KIAA0319: variants seen among roughly 807,000 people sequenced by gnomAD.
KIAA0319 encodes KIAA0319.
KIAA0319 carries 83 observed loss-of-function variants against 108.4 expected under a neutral mutation model. That is an observed-to-expected ratio of 0.77 (90% CI 0.64 to 0.92). The LOEUF is 0.92. Ranked by LOEUF, KIAA0319 falls within the 40% of genes least tolerant of loss-of-function variation. The pLI is 0.00. For synonymous variants in KIAA0319, 484 were observed against 510.4 expected, an observed-to-expected ratio of 0.95 and a Z score of 0.70; for missense variants, 1,195 against 1,322.4, an observed-to-expected ratio of 0.90 and a Z score of 1.49.
chr6:24,604,298 C>G (rs748179312), intron 1 of KIAA0319, among the ~76,000 whole-genome samples: 2 of 152,110 alleles, frequency 1.3e-5, no homozygotes, highest in Non-Finnish European at 2.9e-5. Flanking sequence ...TTGACTACCC[C>G]CTAACCAAAG....
Position 24,580,944 on chromosome 6 carries a change from T to G in KIAA0319, c.1261A>C (p.Asn421His). Residue 421 changes from asparagine to histidine, a missense_variant, in exon 7 of 21, where the codon AAT becomes CAT. Transcript: ENST00000378214. ...GGCTTACCAGGCTTAACAGTGACAT[T>G]GACAAATCCTTCTCCAAAGGCGTTT... Reference protein sequence around the residue: ...SENAFGEGFVNVTVKPARRVN... With the variant: ...SENAFGEGFVHVTVKPARRVN... The G allele has an allele frequency of 1.2e-6, 2 of 1,611,412 alleles. No homozygotes were observed. Among genetic ancestry groups the G allele is most frequent in the East Asian group, 4.5e-5 (2 of 44,858 alleles).
At chr6:24,550,503 C>T (rs570153634) in intron 20 of KIAA0319, among the ~76,000 whole-genome samples, 3 of 152,150 alleles carry the variant, frequency 2.0e-5, no homozygotes, top group Non-Finnish European at 4.4e-5. Context: ...AGTTAATAAA[C>T]GAGAATGAAA....
intron 1 of KIAA0319, among the ~76,000 whole-genome samples, chr6:24,631,861 C>T (rs542373718): frequency 5.9e-5 from 9 of 152,342 alleles, no homozygotes; most frequent in African/African-American, 1.7e-4. Context: ...CTATGCAGCC[C>T]GCCCAGCCAG....
intron 1 of KIAA0319, among the ~76,000 whole-genome samples, chr6:24,621,940 C>T (rs929199918): frequency 9.2e-5 from 14 of 152,180 alleles, no homozygotes; most frequent in Non-Finnish European, 8.8e-5. Context: ...CAAGCTAAAG[C>T]CAGAGAACTG....
At chr6:24,565,684 C>T (rs1439588136) in intron 14 of KIAA0319, among the ~76,000 whole-genome samples, 1 of 130,558 alleles carries the variant, frequency 7.7e-6, no homozygotes, top group Non-Finnish European at 1.5e-5. Context: ...ACTCGGGCAG[C>T]GGAGGTTGCA....
Position 24,556,740 on chromosome 6 carries a change from G to A in KIAA0319, c.2735-11C>T. 1 of 1,612,556 alleles carries A rather than the reference G, an allele frequency of 6.2e-7. No individual in the cohort carries two copies. ...ACTTCAGAAGGCAACCTGCAAAGAG[G>A]TGTGTAGGGCTGAGGGCAGCATGCA... On this transcript the variant is annotated splice_polypyrimidine_tract_variant and intron_variant, in intron 17 of 20. Coordinates refer to ENST00000378214, the MANE Select transcript of KIAA0319 (RefSeq NM_014809.4).
chr6:24,618,945 A>C (rs533416136), intron 1 of KIAA0319, among the ~76,000 whole-genome samples: 1 of 152,342 alleles, frequency 6.6e-6, no homozygotes, highest in African/African-American at 2.4e-5. Flanking sequence ...TGAACTTAGA[A>C]GGTCACATTT....
At position 24,551,414 on chromosome 6, in the gene KIAA0319, C is replaced by T. The variant is rs779526013; in HGVS notation, c.3040+20G>A. ...AAATCATATAAAGGTGCCAGGCAGTCATTCTGCAGACTGTCTTACCATATT... is the reference window on the plus strand; with the variant it reads ...AAATCATATAAAGGTGCCAGGCAGTTATTCTGCAGACTGTCTTACCATATT... On this transcript the variant is annotated intron_variant, in intron 20 of 20. Transcript: ENST00000378214. The T allele has an allele frequency of 1.3e-6, 2 of 1,543,914 alleles. No individual in the cohort carries two copies. Among genetic ancestry groups the T allele is most frequent in the Non-Finnish European group, 1.8e-6 (2 of 1,115,840 alleles).
At position 24,564,245 on chromosome 6, in the gene KIAA0319, C is replaced by T. The variant is rs201132279; in HGVS notation, c.2388G>A (p.Gln796=). The T allele has an allele frequency of 6.2e-7, 1 of 1,614,106 alleles. No individual in the cohort carries two copies. Among genetic ancestry groups the T allele is most frequent in the Non-Finnish European group, 8.5e-7 (1 of 1,180,002 alleles). ...TGGCAGTGTCTGTGTCCGAGGCCCC[C>T]TGACTGTCGGTGACTCGCAAGTGGA... ...YTFHLRVTDS[Q]GASDTDTATV... Residue 796 remains glutamine (Q), a synonymous_variant, in exon 15 of 21, where the codon CAG becomes CAA. Transcript: ENST00000378214.
chr6:24,636,480 C>T (rs1776218772), intron 1 of KIAA0319, among the ~76,000 whole-genome samples: 1 of 152,080 alleles, frequency 6.6e-6, no homozygotes, highest in South Asian at 2.1e-4. Flanking sequence ...GTTTGAGGCA[C>T]TAAGAAGAAT....
At chr6:24,623,314 C>A (rs550930135) in intron 1 of KIAA0319, among the ~76,000 whole-genome samples, 2 of 152,024 alleles carry the variant, frequency 1.3e-5, no homozygotes, top group Non-Finnish European at 2.9e-5. Flanking sequence ...CCAGAATTTT[C>A]ATCATCTAGC....
intron 1 of KIAA0319, among the ~76,000 whole-genome samples, chr6:24,624,283 C>T (rs1774408935): frequency 1.3e-5 from 2 of 148,880 alleles, no homozygotes; most frequent in South Asian, 4.3e-4. Flanking sequence ...CCCAAATGAC[C>T]ATCTACCTCG....
chr6:24,582,733 T>C (rs1766800583), intron 5 of KIAA0319, among the ~76,000 whole-genome samples: 1 of 151,846 alleles, frequency 6.6e-6, no homozygotes, highest in Non-Finnish European at 1.5e-5. Flanking sequence ...CATCTGACTA[T>C]CCATATCAGT....
downstream of KIAA0319, among the ~76,000 whole-genome samples, chr6:24,541,813 G>T (rs139249352): frequency 1.3e-5 from 2 of 152,086 alleles, no homozygotes; most frequent in East Asian, 3.9e-4. Flanking sequence ...TAATAATTTA[G>T]CCCACAACAC....
At chr6:24,584,986 C>A (rs2817201) in intron 4 of KIAA0319, among the ~76,000 whole-genome samples, 108,734 of 152,074 alleles carry the variant, frequency 0.72, 39,763 homozygotes, top group Non-Finnish European at 0.79. Flanking sequence ...GAAGCTCAGG[C>A]TCAAAGTAAA....
chr6:24,542,378 G>C (rs1181998852), downstream of KIAA0319, among the ~76,000 whole-genome samples: 4 of 152,158 alleles, frequency 2.6e-5, no homozygotes, highest in East Asian at 7.7e-4. Flanking sequence ...ATATGAACTT[G>C]AAAGAGCCAA....
At chr6:24,631,403 A>G (rs1321353055) in intron 1 of KIAA0319, among the ~76,000 whole-genome samples, 1 of 152,216 alleles carries the variant, frequency 6.6e-6, no homozygotes, top group East Asian at 1.9e-4. Flanking sequence ...AGAACAATTG[A>G]AAGGAGCAAT....
intron 9 of KIAA0319, among the ~76,000 whole-genome samples, chr6:24,577,506 A>G (rs1765717916): frequency 6.6e-6 from 1 of 152,224 alleles, no homozygotes; most frequent in Non-Finnish European, 1.5e-5. Context: ...AGGACAGTGA[A>G]TTCACAAATG....
At chr6:24,601,356 A>T in intron 1 of KIAA0319, 148 bp from the exon 2 acceptor site, 1 of 1,320,316 alleles carries the variant, frequency 7.6e-7, no homozygotes, top group Non-Finnish European at 9.7e-7. Context: ...ATCCACCTAG[A>T]GCGTTTGTTC....
Sources: gnomAD v4.1 joint callset for allele counts (sites outside exome capture counted in the v4.1 genomes callset) on GRCh38, gnomAD v4.1.1 for gene constraint, MANE v1.5 for transcripts, NCBI Gene and HGNC (gene_info 2026-07-23, HGNC 2026-07-21) for gene names.